Variants in PAPPA2 observed in about 807,000 individuals in gnomAD.
The protein encoded by PAPPA2 is pappalysin 2, also known as pappalysin-2.
Under a neutral mutation model 176.4 loss-of-function variants are expected in PAPPA2, and 86 were observed. That is an observed-to-expected ratio of 0.49 (90% CI 0.41 to 0.58). The LOEUF is 0.58. PAPPA2 is among the 20% of genes least tolerant of loss of function. The pLI is 0.00. For missense variants in PAPPA2, 2,073 were observed against 2,256.9 expected, an observed-to-expected ratio of 0.92 and a Z score of 1.65; for synonymous variants, 809 against 852.2, an observed-to-expected ratio of 0.95 and a Z score of 0.88.
At chr1:176,609,404 G>A (rs1356864139) in intron 3 of PAPPA2, among the ~76,000 whole-genome samples, 1 of 152,178 alleles carries the variant, frequency 6.6e-6, no homozygotes, top group African/African-American at 2.4e-5. Context: ...ATAAACAAAT[G>A]TGTAGATCAA....
At chr1:176,484,913 G>A (rs1652577919) in intron 1 of PAPPA2, among the ~76,000 whole-genome samples, 1 of 152,112 alleles carries the variant, frequency 6.6e-6, no homozygotes, top group South Asian at 2.1e-4. Flanking sequence ...TCCTGCCCCA[G>A]CACCAGTTTC....
chr1:176,485,665 G>A (rs1397146646), intron 1 of PAPPA2, among the ~76,000 whole-genome samples: 1 of 152,106 alleles, frequency 6.6e-6, no homozygotes, highest in Admixed American at 6.5e-5. Flanking sequence ...AAGAGAGCAG[G>A]ATTTTTGTTT....
intron 4 of PAPPA2, among the ~76,000 whole-genome samples, chr1:176,683,967 C>A (rs1254596830): frequency 1.3e-5 from 2 of 152,110 alleles, no homozygotes; most frequent in Admixed American, 1.3e-4. Flanking sequence ...CTTCTTTCAG[C>A]TTGGGAGAAT....
intron 3 of PAPPA2, among the ~76,000 whole-genome samples, chr1:176,643,354 A>C (rs1338763589): frequency 6.6e-6 from 1 of 151,830 alleles, no homozygotes; most frequent in African/African-American, 2.4e-5. Context: ...ATGGCCAAAT[A>C]GTAAATACTT....
At chr1:176,517,133 G>A (rs546593415) in intron 1 of PAPPA2, among the ~76,000 whole-genome samples, 4 of 152,144 alleles carry the variant, frequency 2.6e-5, no homozygotes, top group Admixed American at 6.5e-5. Context: ...AAAAATTTCC[G>A]TTAGTAAAAT....
chr1:176,804,910 T>C (rs56239405), intron 21 of PAPPA2, among the ~76,000 whole-genome samples: 4,145 of 152,234 alleles, frequency 0.027, 207 homozygotes, highest in African/African-American at 0.095. Flanking sequence ...CAATAAAGTG[T>C]ACTTTCTTCC....
At chr1:176,495,993 C>T (rs531967768) in intron 1 of PAPPA2, among the ~76,000 whole-genome samples, 4 of 152,134 alleles carry the variant, frequency 2.6e-5, no homozygotes, top group Non-Finnish European at 2.9e-5. Context: ...TTTAAGGTTA[C>T]ACTGACTATT....
rs757459623 is a variant in PAPPA2, at chr1:176,699,407, G to A, written c.3054G>A (p.Ser1018=). The A allele has an allele frequency of 2.6e-5, 42 of 1,613,986 alleles. No homozygotes were observed. Among genetic ancestry groups the A allele is most frequent in the Non-Finnish European group, 3.0e-5 (35 of 1,180,024 alleles). The change falls in exon 8 of 23, where the codon TCG becomes TCA. Residue 1018 remains serine, a synonymous_variant. Coordinates refer to ENST00000367662, the MANE Select transcript of PAPPA2 (RefSeq NM_020318.3). ...AACTGCACGTGGATGGGAAGGTGTC[G>A]GGGGTGAAAGTCTACACCTTTGATG... ...TIKLHVDGKV[S]GVKVYTFDER...
At chr1:176,700,443 C>A (rs1271287560) in intron 8 of PAPPA2, among the ~76,000 whole-genome samples, 2 of 152,218 alleles carry the variant, frequency 1.3e-5, no homozygotes, top group South Asian at 2.1e-4. Context: ...AACATTATTT[C>A]TCATGATTCT....
intron 20 of PAPPA2, among the ~76,000 whole-genome samples, chr1:176,795,798 C>T (rs1665401811): frequency 6.6e-6 from 1 of 152,134 alleles, no homozygotes; most frequent in South Asian, 2.1e-4. Flanking sequence ...CCTGTGGATA[C>T]ATGAAATAGG....
At chr1:176,835,366 C>G (rs1359942353) in intron 21 of PAPPA2, among the ~76,000 whole-genome samples, 2 of 152,122 alleles carry the variant, frequency 1.3e-5, no homozygotes, top group East Asian at 3.9e-4. Flanking sequence ...CTATGGTGTT[C>G]AAAAAAATCT....
intron 2 of PAPPA2, among the ~76,000 whole-genome samples, chr1:176,586,752 T>C (rs1653334680): frequency 6.6e-6 from 1 of 152,234 alleles, no homozygotes; most frequent in Admixed American, 6.5e-5. Flanking sequence ...GCAATAAATA[T>C]ATGTGTGCAT....
At chr1:176,516,549 C>T (rs1356379695) in intron 1 of PAPPA2, among the ~76,000 whole-genome samples, 3 of 152,130 alleles carry the variant, frequency 2.0e-5, no homozygotes, top group Admixed American at 2.0e-4. Context: ...TATAAGTGCT[C>T]TGCCCTTATG....
At chr1:176,818,685 G>A (rs1318456219) in intron 21 of PAPPA2, among the ~76,000 whole-genome samples, 1 of 152,120 alleles carries the variant, frequency 6.6e-6, no homozygotes, top group African/African-American at 2.4e-5. Context: ...TACTTCCCCT[G>A]CCTCTTCACA....
intron 3 of PAPPA2, among the ~76,000 whole-genome samples, chr1:176,649,182 A>T (rs1446728294): frequency 6.6e-6 from 1 of 151,344 alleles, no homozygotes; most frequent in Non-Finnish European, 1.5e-5. Flanking sequence ...GTGTCCAGAA[A>T]TTAACTCACT....
intron 21 of PAPPA2, among the ~76,000 whole-genome samples, chr1:176,816,237 G>GTA (rs1224161644): frequency 8.6e-5 from 4 of 46,602 alleles, no homozygotes; most frequent in Middle Eastern, 0.011. Flanking sequence ...ATGTGTGTGT[G>GTA]TGTGTATATA....
At chr1:176,773,313 C>T (rs1180698576) in intron 17 of PAPPA2, among the ~76,000 whole-genome samples, 2 of 152,156 alleles carry the variant, frequency 1.3e-5, no homozygotes, top group African/African-American at 4.8e-5. Context: ...CCACTTGCTG[C>T]TCATGTTTAC....
At chr1:176,660,197 A>C (rs1658280132) in intron 3 of PAPPA2, among the ~76,000 whole-genome samples, 1 of 152,064 alleles carries the variant, frequency 6.6e-6, no homozygotes, top group African/African-American at 2.4e-5. Context: ...TGTGCCTAGG[A>C]TTGCAGCCTA....
At chr1:176,735,734 ATCTATCATCTATCTG>A (rs1558551548) in intron 12 of PAPPA2, among the ~76,000 whole-genome samples, 6 of 126,404 alleles carry the variant, frequency 4.7e-5, no homozygotes, top group Admixed American at 8.2e-5. Flanking sequence ...CTATCTATCT[ATCTATCATCTATCTG>A]TCTGTCTATC....
Sources: gnomAD v4.1 joint callset for allele counts (sites outside exome capture counted in the v4.1 genomes callset) on GRCh38, gnomAD v4.1.1 for gene constraint, MANE v1.5 for transcripts, NCBI Gene and HGNC (gene_info 2026-07-23, HGNC 2026-07-21) for gene names.